SOX5: variants seen among roughly 807,000 people sequenced by gnomAD.
The protein encoded by SOX5 is transcription factor SOX-5.
Under a neutral mutation model 92.0 loss-of-function variants are expected in SOX5, and 9 were observed. That is an observed-to-expected ratio of 0.10 (90% CI 0.06 to 0.17). The LOEUF is 0.17. Among genes scored for constraint, SOX5 ranks in the 10% least tolerant of loss-of-function variants. SOX5 has a pLI of 1.00. For missense variants in SOX5, 642 were observed against 944.5 expected (o/e 0.68, Z 4.20); for synonymous variants, 344 against 336.3 (o/e 1.02, Z -0.25).
At chr12:23,949,736 CTCT>C, upstream of SOX5, 1 of 1,028,806 alleles carries the variant, frequency 9.7e-7, no homozygotes, top group Non-Finnish European at 1.4e-6. Context: ...CCCTCCCTCT[CTCT>C]CTCTCTCTCT....
intron 6 of SOX5, among the ~76,000 whole-genome samples, chr12:23,720,357 C>T (rs2092745300): frequency 6.6e-6 from 1 of 152,044 alleles, no homozygotes; most frequent in South Asian, 2.1e-4. Context: ...ATATTAATTT[C>T]CTCATTTAGG....
chr12:24,475,775 A>G (rs1945299529), intron 1 of SOX5, among the ~76,000 whole-genome samples: 1 of 152,176 alleles, frequency 6.6e-6, no homozygotes, highest in Non-Finnish European at 1.5e-5. Flanking sequence ...TGAGCTCAGG[A>G]GTTCGAGTCC....
chr12:23,986,436 G>A (rs1950070886), intron 4 of SOX5, among the ~76,000 whole-genome samples: 1 of 152,082 alleles, frequency 6.6e-6, no homozygotes, highest in Non-Finnish European at 1.5e-5. Flanking sequence ...TGCTCATTAA[G>A]TACAAATCAC....
At chr12:24,417,405 A>C (rs536835305) in intron 1 of SOX5, among the ~76,000 whole-genome samples, 1 of 152,350 alleles carries the variant, frequency 6.6e-6, no homozygotes, top group Admixed American at 6.5e-5. Flanking sequence ...TGCTTAATAA[A>C]TGTGAGCTAT....
At chr12:24,383,271 G>A (rs150267516) in intron 1 of SOX5, among the ~76,000 whole-genome samples, 66 of 152,092 alleles carry the variant, frequency 4.3e-4, no homozygotes, top group African/African-American at 1.5e-3. Context: ...CTTTGATGAT[G>A]GTCTTTAAAA....
Position 24,108,950 on chromosome 12 carries a change from T to C in SOX5, c.-2+104393A>G, listed in dbSNP as rs79139080. 5.6e-3 allele frequency among the ~76,000 whole-genome samples: 847 copies of C among 152,258 alleles called. 3 individuals are homozygous for C. The highest frequency in any genetic ancestry group is 0.019 in the South Asian group (93 of 4,830). On this transcript the variant is annotated intron_variant, in intron 4 of 4. Coordinates refer to the SOX5 transcript ENST00000446891. ...TAACATGATTTTTACTTAAAGATGG[T>C]TTCTAGCTCTTTGTAGCTAGCAATA...
Position 23,532,947 on chromosome 12 carries a change from C to A in SOX5, c.*1272G>T. On this transcript the variant is annotated 3_prime_UTR_variant, in exon 15 of 15. Coordinates refer to ENST00000451604, the MANE Select transcript of SOX5 (RefSeq NM_006940.6). The stretch of plus-strand genomic sequence containing the variant: ...AAAACAAAAATCACTAAGTAGCAAA[C>A]GTTAATGGAACCAACTGACCAGGGA... The A allele has an allele frequency of 6.0e-6, 1 of 167,928 alleles. No individual in the cohort carries two copies. The highest frequency in any genetic ancestry group is 1.7e-4 in the East Asian group (1 of 6,040). The allele number at this position is 167,928 out of a possible 1,614,324, so 10.4% of individuals were successfully genotyped here. A position where few individuals can be genotyped will look rare whatever the true frequency, so the allele number is the denominator to read the frequency against.
intron 4 of SOX5, among the ~76,000 whole-genome samples, chr12:24,132,824 G>A (rs1197898862): frequency 2.0e-5 from 3 of 152,108 alleles, no homozygotes; most frequent in East Asian, 3.9e-4. Context: ...ACACATTAAA[G>A]GAGGGGACAG....
chr12:23,829,966 A>T (rs188296437), intron 3 of SOX5, among the ~76,000 whole-genome samples: 1 of 152,294 alleles, frequency 6.6e-6, no homozygotes, highest in African/African-American at 2.4e-5. Flanking sequence ...AGGACCTGCT[A>T]TATAAAAAGA....
At chr12:24,210,599 G>A (rs536298556) in intron 4 of SOX5, among the ~76,000 whole-genome samples, 14 of 152,288 alleles carry the variant, frequency 9.2e-5, no homozygotes, top group Non-Finnish European at 1.8e-4. Context: ...AAATTCAGCT[G>A]TGCCAAGTAA....
At chr12:23,823,594 T>C (rs919091857) in intron 3 of SOX5, among the ~76,000 whole-genome samples, 2 of 152,196 alleles carry the variant, frequency 1.3e-5, no homozygotes, top group African/African-American at 4.8e-5. Context: ...TTACGTGTCT[T>C]GGGGTTGCTC....
At chr12:24,159,542 C>T (rs549697769) in intron 4 of SOX5, among the ~76,000 whole-genome samples, 27 of 152,000 alleles carry the variant, frequency 1.8e-4, no homozygotes, top group Admixed American at 1.6e-3. Flanking sequence ...TAAATTTTTC[C>T]CAATGAACTC....
chr12:23,998,322 C>T (rs1951232858), intron 4 of SOX5, among the ~76,000 whole-genome samples: 1 of 152,100 alleles, frequency 6.6e-6, no homozygotes, highest in East Asian at 1.9e-4. Context: ...AGGGGCTCAA[C>T]AGTAGATTTG....
At chr12:23,543,422 A>ACTT in intron 12 of SOX5, 38 bp from the exon 13 acceptor site, 1 of 1,549,162 alleles carries the variant, frequency 6.5e-7, no homozygotes, top group Non-Finnish European at 8.9e-7. Flanking sequence ...TAGCGTTAAA[A>ACTT]CTTTTGTCAG....
intron 4 of SOX5, among the ~76,000 whole-genome samples, chr12:24,007,836 T>C (rs946633208): frequency 1.4e-5 from 2 of 147,010 alleles, no homozygotes; most frequent in Non-Finnish European, 3.0e-5. Context: ...TATATATATA[T>C]CTTAAATGAA....
intron 4 of SOX5, among the ~76,000 whole-genome samples, chr12:23,752,643 G>C (rs1160444297): frequency 6.6e-6 from 1 of 151,608 alleles, no homozygotes; most frequent in South Asian, 2.1e-4. Flanking sequence ...TTCTCCCTCC[G>C]CACTCAATAA....
At chr12:23,937,378 A>C (rs778223039) in intron 1 of SOX5, among the ~76,000 whole-genome samples, 11 of 150,912 alleles carry the variant, frequency 7.3e-5, no homozygotes, top group Non-Finnish European at 1.2e-4. Context: ...TGGGTCAAAC[A>C]ATTAGATTTT....
At chr12:23,614,968 A>T (rs77340009) in intron 8 of SOX5, among the ~76,000 whole-genome samples, 13,340 of 151,628 alleles carry the variant, frequency 0.088, 1,114 homozygotes, top group African/African-American at 0.21. Flanking sequence ...CGCCCAGCTA[A>T]TTTTTTTGTA....
At chr12:23,920,692 A>C (rs1937943477) in intron 1 of SOX5, 1 of 152,164 alleles carries the variant, frequency 6.6e-6, no homozygotes, top group African/African-American at 2.4e-5. Flanking sequence ...AACTGTCTAT[A>C]AGTGGGAGAA....
Sources: allele counts gnomAD v4.1 joint callset (sites outside exome capture counted in the v4.1 genomes callset), GRCh38; gene constraint gnomAD v4.1.1; transcripts MANE v1.5; gene names NCBI Gene and HGNC (gene_info 2026-07-23, HGNC 2026-07-21).